The following ACSM4 variants were observed in gnomAD, a reference collection of about 807,000 sequenced individuals.
ACSM4 encodes acyl-coenzyme A synthetase ACSM4, mitochondrial.
In ACSM4, 66 loss-of-function variants were observed where a neutral mutation model predicts 73.0. That is an observed-to-expected ratio of 0.90 (90% CI 0.74 to 1.11). ACSM4 has a LOEUF of 1.11. Among genes scored for constraint, ACSM4 ranks in the 50% least tolerant of loss-of-function variants. ACSM4 has a pLI of 0.00. For missense variants in ACSM4, 645 were observed against 714.4 expected, an observed-to-expected ratio of 0.90 and a Z score of 1.11; for synonymous variants, 222 against 254.0, an observed-to-expected ratio of 0.87 and a Z score of 1.20.
chr12:7,319,589 C>CAA (rs757305753), intron 5 of ACSM4, among the ~76,000 whole-genome samples: 6 of 53,606 alleles, frequency 1.1e-4, no homozygotes, highest in Non-Finnish European at 1.9e-4. Context: ...GACTCCGTCT[C>CAA]AAAAAAAAAA....
Position 7,304,267 on chromosome 12 carries a change from C to A in ACSM4, c.-65C>A. ...GCATCAAGAAACTGATACTCTCTATCCATCTCTCCCTACAGGCTGTAGTAC... is the reference window on the plus strand; with the variant it reads ...GCATCAAGAAACTGATACTCTCTATACATCTCTCCCTACAGGCTGTAGTAC... On this transcript the variant is annotated 5_prime_UTR_variant, in exon 1 of 13. Coordinates refer to ENST00000399422, the MANE Select transcript of ACSM4 (RefSeq NM_001080454.2). 1 of 1,501,506 alleles carries A rather than the reference C, an allele frequency of 6.7e-7. No homozygotes were observed. The highest frequency in any genetic ancestry group is 9.2e-7 in the Non-Finnish European group (1 of 1,082,406). The allele number at this position is 1,501,506 out of a possible 1,614,324, so 93.0% of individuals were successfully genotyped here. A position where few individuals can be genotyped will look rare whatever the true frequency, so the allele number is the denominator to read the frequency against.
rs773237457 is a variant in ACSM4, at chr12:7,328,492, A to G, written c.*119A>G. 5.0e-6 allele frequency: 4 copies of G among 792,206 alleles called. No homozygotes were observed. The highest frequency in any genetic ancestry group is 2.8e-5 in the South Asian group (1 of 36,336). 49.1% of individuals were successfully genotyped at this position (792,206 alleles called of 1,614,324 possible). A position where few individuals can be genotyped will look rare whatever the true frequency, so the allele number is the denominator to read the frequency against. On this transcript the variant is annotated 3_prime_UTR_variant, in exon 13 of 13. Transcript: ENST00000399422. ...AAGATCTTTCCTGCTTGAAAACTCAACTGTTGATTTTTTGGTTTTTACTTA... is the reference window on the plus strand; with the variant it reads ...AAGATCTTTCCTGCTTGAAAACTCAGCTGTTGATTTTTTGGTTTTTACTTA...
rs770414864 is a variant in ACSM4 at position 7,310,736 on chromosome 12, G to A, written c.610G>A (p.Glu204Lys). Residue 204 changes from glutamate to lysine, a missense_variant, in exon 3 of 13, where the codon GAG becomes AAG. Glu to Lys is a moderately conservative substitution (Grantham distance 56, BLOSUM62 1). Transcript: ENST00000399422. The stretch of plus-strand genomic sequence containing the variant: ...CTGGAATGGGTGGCTCAGCTTCCAG[G>A]AGTTATTTCAGTGAGTATTTTTCCC... ...QSWNGWLSFQ[E>K]LFQFASEEHS... 1 of 1,612,356 alleles carries A rather than the reference G, an allele frequency of 6.2e-7. No individual in the cohort carries two copies.
At chr12:7,326,120 C>G (rs1946502664) in intron 11 of ACSM4, among the ~76,000 whole-genome samples, 3 of 152,158 alleles carry the variant, frequency 2.0e-5, no homozygotes, top group African/African-American at 7.2e-5. Flanking sequence ...GGGTTTGAAA[C>G]AGCATTTCAA....
chr12:7,328,216 C>A, intron 12 of ACSM4, 71 bp from the exon 13 acceptor site: 1 of 1,192,014 alleles, frequency 8.4e-7, no homozygotes, highest in Non-Finnish European at 1.2e-6. Context: ...TCCATGCAAG[C>A]TCCTTCCTAT....
intron 6 of ACSM4, among the ~76,000 whole-genome samples, chr12:7,321,369 A>G (rs576860220): frequency 9.8e-5 from 15 of 152,354 alleles, no homozygotes; most frequent in African/African-American, 3.6e-4. Flanking sequence ...TGTTTAATTC[A>G]AACTCAATAC....
intron 4 of ACSM4, among the ~76,000 whole-genome samples, 167 bp from the exon 5 acceptor site, chr12:7,317,859 G>C (rs1259546409): frequency 6.6e-6 from 1 of 152,138 alleles, no homozygotes; most frequent in Non-Finnish European, 1.5e-5. Flanking sequence ...TTCTGAAAAT[G>C]CCCTTAAGAA....
At chr12:7,314,775 C>T (rs759134663) in intron 3 of ACSM4, among the ~76,000 whole-genome samples, 94 of 152,300 alleles carry the variant, frequency 6.2e-4, no homozygotes, top group African/African-American at 2.2e-3. Flanking sequence ...CACATATCAA[C>T]TTCACTGTAT....
At chr12:7,317,005 A>T in intron 3 of ACSM4, 132 bp from the exon 4 acceptor site, 1 of 1,129,604 alleles carries the variant, frequency 8.9e-7, no homozygotes, top group Non-Finnish European at 1.2e-6. Flanking sequence ...CTCTCAGGAA[A>T]GCTTTGGATT....
chr12:7,320,720 T>C lies in ACSM4; in HGVS notation c.922-5T>C. On this transcript the variant is annotated splice_region_variant and splice_polypyrimidine_tract_variant and intron_variant, in intron 5 of 12. Transcript: ENST00000399422. ...CTGACATCTGTGTCTTTCTCCATCA[T>C]CCAGACACTTACTACTTATCCCATC... 1 of 1,610,980 alleles carries C rather than the reference T, an allele frequency of 6.2e-7. No individual in the cohort carries two copies. Among genetic ancestry groups the C allele is most frequent in the Non-Finnish European group, 8.5e-7 (1 of 1,177,294 alleles).
At chr12:7,309,786 T>G (rs12296585) in intron 2 of ACSM4, among the ~76,000 whole-genome samples, 17 of 152,092 alleles carry the variant, frequency 1.1e-4, no homozygotes, top group African/African-American at 4.1e-4. Context: ...GGTTTTTTTC[T>G]CTTGTTTGTT....
intron 8 of ACSM4, 62 bp downstream of exon 8, chr12:7,323,376 A>C: frequency 2.5e-6 from 4 of 1,593,356 alleles, no homozygotes; most frequent in Non-Finnish European, 3.4e-6. Context: ...CTTTTCTGCT[A>C]TTCATTGCAC....
intron 3 of ACSM4, among the ~76,000 whole-genome samples, chr12:7,312,959 A>C (rs2136330626): frequency 6.6e-6 from 1 of 152,330 alleles, no homozygotes; most frequent in Non-Finnish European, 1.5e-5. Flanking sequence ...AATTATATAC[A>C]TGTACTTTTG....
At chr12:7,324,832 TAA>T (rs34818475) in intron 11 of ACSM4, among the ~76,000 whole-genome samples, 193 of 136,406 alleles carry the variant, frequency 1.4e-3, no homozygotes, top group Middle Eastern at 3.7e-3. Flanking sequence ...TGCCTTAAGT[TAA>T]AAAAAAAAAA....
At position 7,318,076 on chromosome 12, in the gene ACSM4, C is replaced by G; in HGVS notation, c.815C>G (p.Thr272Arg). The stretch of plus-strand genomic sequence containing the variant: ...GATATCATATGGAATATGTCTGACA[C>G]GGGCTGGGTCAAGGCCGCCATTGGC... ...SSDIIWNMSD[T>R]GWVKAAIGSV... Residue 272 changes from threonine (T) to arginine (R), a missense_variant, in exon 5 of 13, where the codon ACG (threonine) becomes AGG (arginine). Thr to Arg is a moderately conservative substitution (Grantham distance 71). Coordinates refer to ENST00000399422, the MANE Select transcript of ACSM4 (RefSeq NM_001080454.2). 6.2e-7 allele frequency: 1 copy of G among 1,613,764 alleles called. No homozygotes were observed. Among genetic ancestry groups the G allele is most frequent in the South Asian group, 1.1e-5 (1 of 91,066 alleles).
rs201159594 is a variant in ACSM4, at chr12:7,306,684, C to T, written c.353C>T (p.Ala118Val). 184 of 1,611,134 alleles carry T rather than the reference C, an allele frequency of 1.1e-4. No individual in the cohort carries two copies. Among genetic ancestry groups the T allele is most frequent in the Non-Finnish European group, 1.5e-4 (179 of 1,178,896 alleles). Residue 118 changes from alanine (A) to valine (V), a missense_variant, in exon 2 of 13, where the codon GCC (alanine) becomes GTC (valine). By Grantham distance (64) the Ala-to-Val change is moderately conservative (BLOSUM62 0). Transcript: ENST00000399422. The stretch of plus-strand genomic sequence containing the variant: ...GGCCTGCAGAGAGGAGACCGTTTGG[C>T]CGTGATTCTGCCCAGAATCCCTGAG... ...PCGLQRGDRL[A>V]VILPRIPEWW...
At chr12:7,318,256 T>A (rs80347581) in intron 5 of ACSM4, 74 bp downstream of exon 5, 2 of 1,557,690 alleles carry the variant, frequency 1.3e-6, no homozygotes, top group South Asian at 1.2e-5. Flanking sequence ...AAGAAATTAT[T>A]CCTTAGAATA....
intron 1 of ACSM4, 103 bp from the exon 2 acceptor site, chr12:7,306,430 A>G: frequency 9.1e-7 from 1 of 1,098,916 alleles, no homozygotes; most frequent in Non-Finnish European, 1.3e-6. Context: ...TGTTAGCAGA[A>G]TGCACCAGAA....
chr12:7,317,974 A>AT, intron 4 of ACSM4, 52 bp from the exon 5 acceptor site: 1 of 1,585,638 alleles, frequency 6.3e-7, no homozygotes. Flanking sequence ...CCAGTTTGTA[A>AT]TTTTTGTTTG....
Sources: gnomAD v4.1 joint callset for allele counts (sites outside exome capture counted in the v4.1 genomes callset) on GRCh38, gnomAD v4.1.1 for gene constraint, MANE v1.5 for transcripts, NCBI Gene and HGNC (gene_info 2026-07-23, HGNC 2026-07-21) for gene names.